Variants in BMP1 observed in about 807,000 individuals in gnomAD.
BMP1 encodes mammalian tolloid protein.
A neutral mutation model predicts 116.8 loss-of-function variants in BMP1; 63 were observed. That is an observed-to-expected ratio of 0.54 (90% CI 0.44 to 0.67). BMP1 has a LOEUF of 0.67. Among genes scored for constraint, BMP1 ranks in the 30% least tolerant of loss-of-function variants. BMP1 has a pLI of 0.00. For missense variants in BMP1, 1,183 were observed against 1,358.9 expected, an observed-to-expected ratio of 0.87 and a Z score of 2.04; for synonymous variants, 536 against 533.4, an observed-to-expected ratio of 1.00 and a Z score of -0.07.
At chr8:22,182,786 C>T (rs1339038045) in intron 8 of BMP1, among the ~76,000 whole-genome samples, 1 of 152,150 alleles carries the variant, frequency 6.6e-6, no homozygotes, top group African/African-American at 2.4e-5. Flanking sequence ...CACACACACC[C>T]CTTTGAAGAT....
At chr8:22,174,575 C>A (rs1229076598) in intron 2 of BMP1, among the ~76,000 whole-genome samples, 1 of 151,784 alleles carries the variant, frequency 6.6e-6, no homozygotes, top group Non-Finnish European at 1.5e-5. Flanking sequence ...ACACAAATAG[C>A]CCTCCCCTTC....
chr8:22,211,869 TC>T lies in BMP1; in HGVS notation c.*143del. On this transcript the variant is annotated 3_prime_UTR_variant, in exon 20 of 20. Coordinates refer to ENST00000306385, the MANE Select transcript of BMP1 (RefSeq NM_006129.5). Reference sequence around the variant, plus strand: ...CAGGGCCAATGGCCTGGTGAGACTGTCCATAGGAGGTGGGGGAACTGGACTC... The same window carrying T: ...CAGGGCCAATGGCCTGGTGAGACTGTCATAGGAGGTGGGGGAACTGGACTC... 7.6e-7 allele frequency: 1 copy of T among 1,310,802 alleles called. No homozygotes were observed. 81.2% of individuals were successfully genotyped at this position (1,310,802 alleles called of 1,614,324 possible).
intron 5 of BMP1, 184 bp from the exon 6 acceptor site, chr8:22,177,668 A>C (rs1160350497): frequency 5.2e-6 from 4 of 763,716 alleles, no homozygotes; most frequent in Admixed American, 3.4e-5. Flanking sequence ...CCTCTGCTGG[A>C]CAGGACTCTT....
At chr8:22,169,482 T>C (rs1828214675) in intron 1 of BMP1, 1 of 152,260 alleles carries the variant, frequency 6.6e-6, no homozygotes, top group African/African-American at 2.4e-5. Context: ...GTTGAGTGTG[T>C]GTTTGTGCAT....
chr8:22,206,597 AG>A (rs1166452410), intron 16 of BMP1, among the ~76,000 whole-genome samples: 1 of 152,074 alleles, frequency 6.6e-6, no homozygotes, highest in Non-Finnish European at 1.5e-5. Flanking sequence ...GGGGTTGTCC[AG>A]GGAGCCTGCG....
chr8:22,195,065 C>T, intron 12 of BMP1, 146 bp downstream of exon 12: 2 of 893,688 alleles, frequency 2.2e-6, no homozygotes, highest in Middle Eastern at 3.6e-4. Context: ...TCTGGGCTAG[C>T]TGGGGAGAAG....
At chr8:22,195,723 C>CA in intron 13 of BMP1, 136 bp downstream of exon 13, 1 of 1,236,410 alleles carries the variant, frequency 8.1e-7, no homozygotes. Flanking sequence ...CTTAGCTCAC[C>CA]ATAGCCTCCC....
rs1407805623 is a variant in BMP1, at chr8:22,176,892, G to A, written c.552-69G>A. On this transcript the variant is annotated intron_variant, in intron 4 of 19. Coordinates refer to ENST00000306385, the MANE Select transcript of BMP1 (RefSeq NM_006129.5). ...CCTGCCGCCCCGCCCCCGGCAGCCT[G>A]GCCCCGCCCCTGAGTGGATGCACTC... 2.2e-6 allele frequency: 3 copies of A among 1,357,248 alleles called. No individual in the cohort carries two copies. The Middle Eastern group carries it at 7.6e-4, about 343-fold the overall frequency. 84.1% of individuals were successfully genotyped at this position (1,357,248 alleles called of 1,614,324 possible).
intron 13 of BMP1, among the ~76,000 whole-genome samples, chr8:22,195,964 A>G (rs989411966): frequency 6.6e-6 from 1 of 152,036 alleles, no homozygotes; most frequent in African/African-American, 2.4e-5. Context: ...GCCCTTGGAC[A>G]GACCCCTTCT....
At chr8:22,197,126 G>T in intron 14 of BMP1, 114 bp from the exon 15 acceptor site, 1 of 1,352,366 alleles carries the variant, frequency 7.4e-7, no homozygotes, top group South Asian at 1.4e-5. Flanking sequence ...TCCAGTGAGG[G>T]GGCGTAGCTA....
chr8:22,165,540 C>A lies in BMP1; in HGVS notation c.135C>A (p.Asp45Glu). The A allele has an allele frequency of 6.3e-7, 1 of 1,587,516 alleles. No homozygotes were observed. The highest frequency in any genetic ancestry group is 8.6e-7 in the Non-Finnish European group (1 of 1,169,580). The change falls in exon 1 of 20, where the codon GAC (aspartate) becomes GAA (glutamate). Residue 45 changes from aspartate to glutamate, a missense_variant. Around this residue, in one of 4 missense-constraint regions of BMP1, gnomAD observed 185 missense variants for 158.9 expected, o/e 1.16. Transcript: ENST00000306385. ...EDDSEPLNYK[D>E]PCKAAAFLGD... ...ACTCGGAGCCCCTCAACTACAAAGACCCCTGCAAGGCGGGTGAGCGCCCCC... is the reference window on the plus strand; with the variant it reads ...ACTCGGAGCCCCTCAACTACAAAGAACCCTGCAAGGCGGGTGAGCGCCCCC...
intron 19 of BMP1, among the ~76,000 whole-genome samples, chr8:22,210,468 T>TCACACACACACACACA (rs1554488560): frequency 4.4e-5 from 6 of 135,562 alleles, no homozygotes; most frequent in South Asian, 2.3e-4. Context: ...TCTCTCTCTC[T>TCACACACACACACACA]CACACACATA....
At position 22,177,093 on chromosome 8, in the gene BMP1, A is replaced by G; in HGVS notation, c.684A>G (p.Pro228=). The G allele has an allele frequency of 5.6e-6, 9 of 1,611,732 alleles. No individual in the cohort carries two copies. Among genetic ancestry groups the G allele is most frequent in the Non-Finnish European group, 6.8e-6 (8 of 1,178,872 alleles). The change falls in exon 5 of 20, where the codon CCA becomes CCG. Residue 228 remains proline (P), a synonymous_variant. Coordinates refer to ENST00000306385, the MANE Select transcript of BMP1 (RefSeq NM_006129.5). The part of the protein sequence containing the change: ...VVGFWHEHTR[P]DRDRHVSIVR... ...GCTTCTGGCACGAACACACTCGGCC[A>G]GACCGGGACCGCCACGTTTCCATCG...
intron 1 of BMP1, among the ~76,000 whole-genome samples, chr8:22,166,606 G>A (rs1038603137): frequency 3.3e-5 from 5 of 151,650 alleles, no homozygotes; most frequent in African/African-American, 1.2e-4. Flanking sequence ...AGAGCCAGGG[G>A]AAGTGGCATA....
Position 22,196,602 on chromosome 8 carries a change from T to C in BMP1, c.1766-78T>C. Reference sequence around the variant, plus strand: ...CACAGGCTCCCCATCTTCTCCTTACTGCATCCCAGCCCACATCTCAGCCCT... The same window carrying C: ...CACAGGCTCCCCATCTTCTCCTTACCGCATCCCAGCCCACATCTCAGCCCT... On this transcript the variant is annotated intron_variant, in intron 13 of 19. Coordinates refer to ENST00000306385, the MANE Select transcript of BMP1 (RefSeq NM_006129.5). The C allele has an allele frequency of 1.9e-6, 3 of 1,595,930 alleles. No homozygotes were observed. The Admixed American group carries it at 5.0e-5, about 27-fold the overall frequency.
chr8:22,196,729 G>C lies in BMP1; in HGVS notation c.1815G>C (p.Pro605=), dbSNP rs371413205. The stretch of plus-strand genomic sequence containing the variant: ...AGCTCAACGGCTCCATCACCAGCCC[G>C]GGCTGGCCCAAGGAGTACCCCCCCA... ...LTKLNGSITS[P]GWPKEYPPNK... Residue 605 remains proline, a synonymous_variant, in exon 14 of 20, where the codon CCG becomes CCC. Transcript: ENST00000306385. The C allele has an allele frequency of 7.4e-6, 12 of 1,614,064 alleles. No homozygotes were observed. Among genetic ancestry groups the C allele is most frequent in the Non-Finnish European group, 9.3e-6 (11 of 1,180,022 alleles).
chr8:22,190,087 AT>A (rs932509274), intron 8 of BMP1, among the ~76,000 whole-genome samples: 3 of 150,684 alleles, frequency 2.0e-5, no homozygotes, highest in African/African-American at 7.3e-5. Context: ...CACCTGGCTA[AT>A]TTTTTTTTGT....
intron 1 of BMP1, 53 bp downstream of exon 1, chr8:22,165,606 GT>G: frequency 6.6e-7 from 1 of 1,517,064 alleles, no homozygotes; most frequent in Non-Finnish European, 8.8e-7. Flanking sequence ...GCGCGGGCGG[GT>G]TCGGGCTTGG....
At chr8:22,187,363 G>A (rs777465655) in intron 8 of BMP1, among the ~76,000 whole-genome samples, 32 of 148,328 alleles carry the variant, frequency 2.2e-4, no homozygotes, top group South Asian at 8.6e-4. Flanking sequence ...ATGGAGTCTC[G>A]CTCTGTTGCC....
Sources: allele counts gnomAD v4.1 joint callset (sites outside exome capture counted in the v4.1 genomes callset), GRCh38; gene constraint gnomAD v4.1.1; regional missense constraint gnomAD v4.1.1; transcripts MANE v1.5; gene names NCBI Gene and HGNC (gene_info 2026-07-23, HGNC 2026-07-21).